The following FMNL2 variants were observed in gnomAD, a reference collection of about 807,000 sequenced individuals.
The protein encoded by FMNL2 is formin-like protein 2.
A neutral mutation model predicts 130.2 loss-of-function variants in FMNL2; 51 were observed. That is an observed-to-expected ratio of 0.39 (90% CI 0.31 to 0.49). The LOEUF (loss-of-function observed/expected upper bound fraction) is 0.49. Among genes scored for constraint, FMNL2 ranks in the 20% least tolerant of loss-of-function variants. The pLI is 0.85. For synonymous variants in FMNL2, 465 were observed against 467.1 expected (o/e 1.00, Z 0.06); for missense variants, 977 against 1,316.2 (o/e 0.74, Z 3.99).
At chr2:152,446,270 G>A (rs1046684458) in intron 1 of FMNL2, among the ~76,000 whole-genome samples, 1 of 152,046 alleles carries the variant, frequency 6.6e-6, no homozygotes, top group African/African-American at 2.4e-5. Flanking sequence ...TTACAAATAC[G>A]GTCTAATAAA....
At chr2:152,607,181 CTGTT>C (rs1347106847) in intron 9 of FMNL2, among the ~76,000 whole-genome samples, 154 bp from the exon 10 acceptor site, 5 of 151,900 alleles carry the variant, frequency 3.3e-5, no homozygotes, top group Non-Finnish European at 5.9e-5. Context: ...GCTCATATGG[CTGTT>C]TGTGAGTTAA....
intron 1 of FMNL2, among the ~76,000 whole-genome samples, chr2:152,414,279 T>C (rs1686478441): frequency 6.6e-6 from 1 of 152,184 alleles, no homozygotes; most frequent in African/African-American, 2.4e-5. Context: ...CTCTTTGTTT[T>C]TTGTATATTG....
chr2:152,636,620 A>G (rs1388735445), intron 22 of FMNL2, 30 bp downstream of exon 22: 1 of 1,548,776 alleles, frequency 6.5e-7, no homozygotes, highest in Admixed American at 2.0e-5. Flanking sequence ...AAACCTGTGA[A>G]GAGGCTGCAT....
At chr2:152,542,902 C>T in intron 3 of FMNL2, 83 bp downstream of exon 3, 1 of 1,446,332 alleles carries the variant, frequency 6.9e-7, no homozygotes, top group Non-Finnish European at 9.7e-7. Flanking sequence ...GACCTTCCTT[C>T]CTCTGCATTA....
At position 152,614,840 on chromosome 2, in the gene FMNL2, C is replaced by G. The variant is rs1341586628; in HGVS notation, c.1063-11C>G. 1.2e-6 allele frequency: 2 copies of G among 1,600,502 alleles called. No individual in the cohort carries two copies. Among genetic ancestry groups the G allele is most frequent in the African/African-American group, 1.4e-5 (1 of 73,876 alleles). On this transcript the variant is annotated splice_polypyrimidine_tract_variant and intron_variant, in intron 11 of 25. Coordinates refer to ENST00000288670, the MANE Select transcript of FMNL2 (RefSeq NM_052905.4). ...AGCTAACACCACGTTCTCTCCTATT[C>G]TGGTTTTTAGAAGCTGAAACACACT...
At chr2:152,350,476 C>G (rs2105773406) in intron 1 of FMNL2, among the ~76,000 whole-genome samples, 1 of 152,222 alleles carries the variant, frequency 6.6e-6, no homozygotes, top group African/African-American at 2.4e-5. Context: ...TCAGAATTGC[C>G]ATTGTTCTAG....
At chr2:152,523,846 C>T (rs1272256183) in intron 2 of FMNL2, among the ~76,000 whole-genome samples, 1 of 152,100 alleles carries the variant, frequency 6.6e-6, no homozygotes, top group Non-Finnish European at 1.5e-5. Flanking sequence ...GGATATGGGC[C>T]TCTAACAACT....
At position 152,565,830 on chromosome 2, in the gene FMNL2, A is replaced by G. The variant is rs151178271; in HGVS notation, c.596+4795A>G. Among the ~76,000 whole-genome samples the G allele has an allele frequency of 1.3e-3, 201 of 152,100 alleles. 1 individual carries two copies. Among genetic ancestry groups the G allele is most frequent in the African/African-American group, 4.7e-3 (195 of 41,462 alleles). ...GGTCTTGTTCTGTTGCCCAGGCTGG[A>G]GTGCAGTGGCACGATCATAGCTCAC... On this transcript the variant is annotated intron_variant, in intron 6 of 25. Transcript: ENST00000288670.
intron 15 of FMNL2, among the ~76,000 whole-genome samples, chr2:152,623,424 G>A (rs1171331444): frequency 2.6e-5 from 4 of 152,222 alleles, no homozygotes; most frequent in African/African-American, 4.8e-5. Context: ...GGGGACAAAG[G>A]TGTCATGTTT....
chr2:152,646,571 C>G (rs1559039287), intron 25 of FMNL2, among the ~76,000 whole-genome samples: 2 of 142,688 alleles, frequency 1.4e-5, no homozygotes, highest in Non-Finnish European at 3.0e-5. Flanking sequence ...CACCAGGAAA[C>G]TGTACATGTG....
chr2:152,457,196 A>G (rs950084987), intron 1 of FMNL2, among the ~76,000 whole-genome samples: 2 of 152,194 alleles, frequency 1.3e-5, no homozygotes, highest in African/African-American at 4.8e-5. Context: ...TAAAAAAAAA[A>G]AAAAGTTGAG....
In FMNL2 at chr2:152,619,156, C is replaced by G; in HGVS notation, c.1625C>G (p.Thr542Arg). Residue 542 changes from threonine to arginine, a missense_variant and splice_region_variant, in exon 14 of 26, where the codon ACA becomes AGA. Thr to Arg is a moderately conservative substitution (Grantham distance 71). This residue lies in a region of FMNL2 where 689 missense variants were observed against 995.9 expected (regional missense o/e 0.69). Transcript: ENST00000288670. ...CCTCCCTCATCAGACACACCTGAAACAGGTAAGAAGCCTTGGCAGGAGGAC... is the reference window on the plus strand; with the variant it reads ...CCTCCCTCATCAGACACACCTGAAAGAGGTAAGAAGCCTTGGCAGGAGGAC... ...PLPPSSDTPETVQNGPVTPPM... is the reference protein window; with the variant it reads ...PLPPSSDTPERVQNGPVTPPM... The G allele has an allele frequency of 6.4e-7, 1 of 1,555,450 alleles. No individual in the cohort carries two copies. The highest frequency in any genetic ancestry group is 8.7e-7 in the Non-Finnish European group (1 of 1,154,824).
intron 1 of FMNL2, among the ~76,000 whole-genome samples, chr2:152,468,033 T>G (rs560440682): frequency 1.8e-4 from 27 of 152,204 alleles, no homozygotes; most frequent in Non-Finnish European, 3.7e-4. Flanking sequence ...TCTTACCCAT[T>G]TCTAAATCAC....
intron 3 of FMNL2, among the ~76,000 whole-genome samples, chr2:152,545,016 C>T (rs889322353): frequency 2.0e-5 from 3 of 152,284 alleles, no homozygotes; most frequent in South Asian, 2.1e-4. Flanking sequence ...GGCCCATGTG[C>T]GTTCACCTGA....
intron 1 of FMNL2, among the ~76,000 whole-genome samples, chr2:152,414,792 C>A (rs1465358506): frequency 6.7e-6 from 1 of 149,382 alleles, no homozygotes; most frequent in Non-Finnish European, 1.5e-5. Flanking sequence ...GAAGATGATT[C>A]TTCTTTTCCT....
At chr2:152,419,235 C>T (rs1044299514) in intron 1 of FMNL2, among the ~76,000 whole-genome samples, 1 of 151,990 alleles carries the variant, frequency 6.6e-6, no homozygotes, top group Non-Finnish European at 1.5e-5. Context: ...TGTTTGAACT[C>T]AATGTGGAAT....
chr2:152,607,457 C>G (rs1698432310), intron 10 of FMNL2, 44 bp downstream of exon 10: 2 of 1,257,080 alleles, frequency 1.6e-6, no homozygotes, highest in Non-Finnish European at 2.3e-6. Context: ...AGTTTCAATA[C>G]TTTTTTTCTA....
chr2:152,410,719 G>A lies in FMNL2; in HGVS notation c.117+74999G>A, dbSNP rs369346052. Among the ~76,000 whole-genome samples, 44 of 152,310 alleles carry A rather than the reference G, an allele frequency of 2.9e-4. No individual in the cohort carries two copies. In the South Asian group the frequency reaches 9.1e-3, roughly 32 times the overall value. On this transcript the variant is annotated intron_variant, in intron 1 of 25. Coordinates refer to ENST00000288670, the MANE Select transcript of FMNL2 (RefSeq NM_052905.4). ...TTGGCTTTTCGGACTCATGGTGAAT[G>A]CTTGAACCTTTTTATTCCCTTAACA...
At chr2:152,617,683 C>T (rs1321351676) in intron 13 of FMNL2, among the ~76,000 whole-genome samples, 1 of 152,148 alleles carries the variant, frequency 6.6e-6, no homozygotes, top group Non-Finnish European at 1.5e-5. Flanking sequence ...AAAGCAAACC[C>T]AATCCATTTT....
Sources: gnomAD v4.1 joint callset for allele counts (sites outside exome capture counted in the v4.1 genomes callset) on GRCh38, gnomAD v4.1.1 for gene constraint, gnomAD v4.1.1 regional missense constraint, MANE v1.5 for transcripts, NCBI Gene and HGNC (gene_info 2026-07-23, HGNC 2026-07-21) for gene names.